The following SLC13A1 variants were observed in gnomAD, a reference collection of about 807,000 sequenced individuals.
SLC13A1 encodes the protein solute carrier family 13 member 1.
A neutral mutation model predicts 70.0 loss-of-function variants in SLC13A1; 65 were observed. The observed-to-expected ratio is 0.93, with a 90% confidence interval of 0.76 to 1.14. The LOEUF is 1.14. Among genes scored for constraint, SLC13A1 ranks in the 50% most tolerant of loss-of-function variants. The probability of loss-of-function intolerance (pLI) is 0.00; values close to 1 mark genes in which losing one functional copy is unlikely to be tolerated. For missense variants in SLC13A1, 726 were observed against 717.8 expected (o/e 1.01, Z -0.13); for synonymous variants, 275 against 250.5 (o/e 1.10, Z -0.92).
At chr7:123,181,194 C>A (rs547412554) in intron 1 of SLC13A1, 93 bp from the exon 2 acceptor site, 3 of 1,347,228 alleles carry the variant, frequency 2.2e-6, no homozygotes, top group Non-Finnish European at 3.0e-6. Flanking sequence ...AGAGCCATGT[C>A]ACAGAGAACG....
chr7:123,199,139 C>T (rs1345477104), intron 1 of SLC13A1, among the ~76,000 whole-genome samples: 1 of 152,076 alleles, frequency 6.6e-6, no homozygotes, highest in Non-Finnish European at 1.5e-5. Context: ...AGAAGGTGCT[C>T]ATTAAATGTT....
At chr7:123,163,294 CT>C (rs1317255894) in intron 6 of SLC13A1, among the ~76,000 whole-genome samples, 4 of 151,976 alleles carry the variant, frequency 2.6e-5, no homozygotes, top group Non-Finnish European at 5.9e-5. Context: ...ATTTCAGCTA[CT>C]TTTAGGGGGT....
intron 2 of SLC13A1, among the ~76,000 whole-genome samples, chr7:123,180,494 A>G (rs1795602260): frequency 6.6e-6 from 1 of 152,158 alleles, no homozygotes; most frequent in South Asian, 2.1e-4. Context: ...ACCTCTTAGC[A>G]TGAATAAACT....
Position 123,125,642 on chromosome 7 carries a change from A to T in SLC13A1, c.1167T>A (p.Ala389=), listed in dbSNP as rs1342166848. Residue 389 remains alanine (A), a synonymous_variant, in exon 11 of 15, where the codon GCT becomes GCA. Coordinates refer to ENST00000194130, the MANE Select transcript of SLC13A1 (RefSeq NM_022444.4). The stretch of plus-strand genomic sequence containing the variant: ...GAAAGAATAGCAGCCCTATAAGTAA[A>T]GCAACAGTTGAATCTGTAGCAAAAC... The part of the protein sequence containing the change: ...YPGFATDSTV[A]LLIGLLFFLI... 3 of 1,613,324 alleles carry T rather than the reference A, an allele frequency of 1.9e-6. No individual in the cohort carries two copies. Among genetic ancestry groups the T allele is most frequent in the Non-Finnish European group, 2.5e-6 (3 of 1,179,686 alleles).
At chr7:123,190,814 A>T (rs558638725) in intron 1 of SLC13A1, among the ~76,000 whole-genome samples, 14 of 152,196 alleles carry the variant, frequency 9.2e-5, no homozygotes, top group African/African-American at 2.7e-4. Flanking sequence ...TGACACATCT[A>T]TTGAGGATTT....
chr7:123,196,041 G>A (rs1796166076), intron 1 of SLC13A1, among the ~76,000 whole-genome samples: 1 of 152,002 alleles, frequency 6.6e-6, no homozygotes, highest in Non-Finnish European at 1.5e-5. Flanking sequence ...ATTGACTGCT[G>A]AAAAGAGTAA....
At chr7:123,173,300 A>G in intron 2 of SLC13A1, among the ~76,000 whole-genome samples, 1 of 152,202 alleles carries the variant, frequency 6.6e-6, no homozygotes, top group Admixed American at 6.5e-5. Context: ...CCTTGAAATT[A>G]AAAGTAGGCA....
At chr7:123,147,120 G>A (rs1459567267) in intron 7 of SLC13A1, 39 bp downstream of exon 7, 4 of 1,594,034 alleles carry the variant, frequency 2.5e-6, no homozygotes, top group Non-Finnish European at 3.4e-6. Context: ...TTTTTGTGCT[G>A]CCCTTATGTT....
chr7:123,190,124 C>A (rs564911924), intron 1 of SLC13A1, among the ~76,000 whole-genome samples: 110 of 152,238 alleles, frequency 7.2e-4, no homozygotes, highest in African/African-American at 2.6e-3. Flanking sequence ...TCTCAGTTCA[C>A]TGAATATATC....
intron 6 of SLC13A1, among the ~76,000 whole-genome samples, chr7:123,162,211 A>T (rs1002027284): frequency 6.6e-6 from 1 of 152,192 alleles, no homozygotes; most frequent in African/African-American, 2.4e-5. Context: ...TTTCAATAAC[A>T]TAAAATGTGA....
chr7:123,159,931 A>G (rs1038880226), intron 6 of SLC13A1, among the ~76,000 whole-genome samples: 9 of 152,094 alleles, frequency 5.9e-5, no homozygotes, highest in Non-Finnish European at 8.8e-5. Flanking sequence ...TACCAGCTTT[A>G]TAAAAGCTGG....
In SLC13A1 at chr7:123,125,550, A is replaced by G; in HGVS notation, c.1240+19T>C. 1 of 1,539,078 alleles carries G rather than the reference A, an allele frequency of 6.5e-7. No individual in the cohort carries two copies. The highest frequency in any genetic ancestry group is 8.9e-7 in the Non-Finnish European group (1 of 1,123,266). On this transcript the variant is annotated intron_variant, in intron 11 of 14. Transcript: ENST00000194130. ...TGCTCTTCTGTTAAATTTATGCAGAATTATAAATGATACTCAACCAATTTC... is the reference window on the plus strand; with the variant it reads ...TGCTCTTCTGTTAAATTTATGCAGAGTTATAAATGATACTCAACCAATTTC...
Position 123,125,607 on chromosome 7 carries a change from G to A in SLC13A1, c.1202C>T (p.Ala401Val). The change falls in exon 11 of 15, where the codon GCT becomes GTT. Residue 401 changes from alanine to valine, a missense_variant. Physicochemically the swap from Ala to Val is moderately conservative, Grantham distance 64 (BLOSUM62 0). Coordinates refer to ENST00000194130, the MANE Select transcript of SLC13A1 (RefSeq NM_022444.4). ...AGGTGTAGTTTTAGTCAGTGTCTTAGCTGGGATAAGAAAGAATAGCAGCCC... is the reference window on the plus strand; with the variant it reads ...AGGTGTAGTTTTAGTCAGTGTCTTAACTGGGATAAGAAAGAATAGCAGCCC... ...LIGLLFFLIPAKTLTKTTPTG... is the reference protein window; with the variant it reads ...LIGLLFFLIPVKTLTKTTPTG... 1 of 1,612,916 alleles carries A rather than the reference G, an allele frequency of 6.2e-7. No individual in the cohort carries two copies. Among genetic ancestry groups the A allele is most frequent in the Non-Finnish European group, 8.5e-7 (1 of 1,179,310 alleles).
chr7:123,179,908 CT>C (rs1258780961), intron 2 of SLC13A1, among the ~76,000 whole-genome samples: 1 of 152,108 alleles, frequency 6.6e-6, no homozygotes, highest in African/African-American at 2.4e-5. Flanking sequence ...TCAACCCCTT[CT>C]TTTTTTATTC....
chr7:123,148,388 C>A lies in SLC13A1; in HGVS notation c.661-1078G>T, dbSNP rs1237424437. The A allele has an allele frequency of 7.8e-6, 3 of 384,688 alleles. No individual in the cohort carries two copies. In the East Asian group the frequency reaches 2.5e-4, roughly 32 times the overall value. 23.8% of individuals were successfully genotyped at this position (384,688 alleles called of 1,614,324 possible). ...TTTTCAGTTCTCCACCTCAGTCACC[C>A]CACCCCCATAGTTATACCTTGGACA... On this transcript the variant is annotated intron_variant, in intron 6 of 14. Coordinates refer to ENST00000194130, the MANE Select transcript of SLC13A1 (RefSeq NM_022444.4).
intron 6 of SLC13A1, chr7:123,148,371 T>C: frequency 5.7e-6 from 2 of 351,998 alleles, no homozygotes; most frequent in South Asian, 4.3e-5. Context: ...GATTTTCAGT[T>C]CTCCACCTCA....
intron 2 of SLC13A1, among the ~76,000 whole-genome samples, chr7:123,176,322 TAGA>T (rs1249963548): frequency 6.6e-6 from 1 of 152,222 alleles, no homozygotes; most frequent in African/African-American, 2.4e-5. Context: ...AGGGAGGTAA[TAGA>T]AGAAGGTGCT....
rs999650333 is a variant in SLC13A1, at chr7:123,177,682, C to T, written c.228+3291G>A. Among the ~76,000 whole-genome samples, 56 of 152,094 alleles carry T rather than the reference C, an allele frequency of 3.7e-4. 1 individual carries two copies. Among genetic ancestry groups the T allele is most frequent in the African/African-American group, 1.3e-3 (54 of 41,424 alleles). ...AGTCATGCTCCAAATATTCAAATGGCTAACTCCTTCATTTCCTGTAAGTCT... is the reference window on the plus strand; with the variant it reads ...AGTCATGCTCCAAATATTCAAATGGTTAACTCCTTCATTTCCTGTAAGTCT... On this transcript the variant is annotated intron_variant, in intron 2 of 14. Coordinates refer to ENST00000194130, the MANE Select transcript of SLC13A1 (RefSeq NM_022444.4).
chr7:123,167,352 A>G (rs1388441112), intron 6 of SLC13A1, among the ~76,000 whole-genome samples: 1 of 152,186 alleles, frequency 6.6e-6, no homozygotes, highest in Admixed American at 6.5e-5. Context: ...TTCCCATCTT[A>G]AAAAATCCTT....
Sources: allele counts gnomAD v4.1 joint callset (sites outside exome capture counted in the v4.1 genomes callset), GRCh38; gene constraint gnomAD v4.1.1; transcripts MANE v1.5; gene names NCBI Gene and HGNC (gene_info 2026-07-23, HGNC 2026-07-21).